The following SLC24A2 variants were observed in gnomAD, a reference collection of about 807,000 sequenced individuals.
SLC24A2 encodes the protein sodium/potassium/calcium exchanger 2.
SLC24A2 carries 36 observed loss-of-function variants against 62.0 expected under a neutral mutation model. That is an observed-to-expected ratio of 0.58 (90% CI 0.44 to 0.77). The LOEUF (loss-of-function observed/expected upper bound fraction) is 0.77, where lower values mean the gene tolerates loss of function less well. SLC24A2 is among the 30% of genes least tolerant of loss of function. The probability of loss-of-function intolerance (pLI) is 0.00; values close to 1 mark genes in which losing one functional copy is unlikely to be tolerated. For missense variants in SLC24A2, 846 were observed against 817.9 expected (o/e 1.03, Z -0.42); for synonymous variants, 358 against 294.0 (o/e 1.22, Z -2.23).
At chr9:19,561,790 TC>T (rs1217919560) in intron 7 of SLC24A2, among the ~76,000 whole-genome samples, 1 of 64,152 alleles carries the variant, frequency 1.6e-5, no homozygotes, top group Non-Finnish European at 4.1e-5. Context: ...AATAGTATAC[TC>T]CCTTTATAAT....
At chr9:19,843,713 G>A in the SLC24A2 span, among the ~76,000 whole-genome samples, 2 of 151,906 alleles carry the variant, frequency 1.3e-5, no homozygotes, top group African/African-American at 4.8e-5. Context: ...AGTATTTATT[G>A]TTGCCATCTT....
chr9:19,731,452 C>G (rs1227121990), intron 2 of SLC24A2, among the ~76,000 whole-genome samples: 4 of 151,704 alleles, frequency 2.6e-5, no homozygotes, highest in Non-Finnish European at 5.9e-5. Flanking sequence ...GGGCTTTGAT[C>G]TAATATTTGT....
chr9:19,682,650 C>T (rs1030190037), intron 2 of SLC24A2, among the ~76,000 whole-genome samples: 1 of 152,034 alleles, frequency 6.6e-6, no homozygotes, highest in Admixed American at 6.6e-5. Flanking sequence ...AGAAACACAG[C>T]GTTAAGTAGA....
intron 2 of SLC24A2, among the ~76,000 whole-genome samples, chr9:19,744,823 T>C (rs1821785138): frequency 6.6e-6 from 1 of 152,142 alleles, no homozygotes; most frequent in Non-Finnish European, 1.5e-5. Flanking sequence ...ACTTCACTCA[T>C]AAACTTCCCA....
At chr9:19,601,520 G>A (rs893342467) in intron 4 of SLC24A2, among the ~76,000 whole-genome samples, 3 of 152,146 alleles carry the variant, frequency 2.0e-5, no homozygotes, top group African/African-American at 7.2e-5. Flanking sequence ...AAGGTCCACG[G>A]CTCCATTCTG....
At chr9:20,033,470 C>G in the SLC24A2 span, among the ~76,000 whole-genome samples, 10 of 140,754 alleles carry the variant, frequency 7.1e-5, no homozygotes, top group African/African-American at 2.5e-4. Flanking sequence ...ATGTTTGTGA[C>G]TCCCTTTTAC....
intron 2 of SLC24A2, among the ~76,000 whole-genome samples, chr9:19,741,227 G>C (rs907974054): frequency 1.3e-5 from 2 of 152,174 alleles, no homozygotes; most frequent in African/African-American, 4.8e-5. Flanking sequence ...TGACACTTGA[G>C]AGGATATTTT....
At chr9:20,258,883 T>A in the SLC24A2 span, among the ~76,000 whole-genome samples, 1 of 151,480 alleles carries the variant, frequency 6.6e-6, no homozygotes, top group South Asian at 2.1e-4. Flanking sequence ...CATCCATCCA[T>A]CCATCCATCC....
At chr9:19,717,852 G>A (rs1395416660) in intron 2 of SLC24A2, among the ~76,000 whole-genome samples, 1 of 152,008 alleles carries the variant, frequency 6.6e-6, no homozygotes, top group Middle Eastern at 3.4e-3. Flanking sequence ...TAGTTCTTCA[G>A]TGACCCCACT....
chr9:19,885,124 G>T, the SLC24A2 span, among the ~76,000 whole-genome samples: 5 of 152,064 alleles, frequency 3.3e-5, no homozygotes, highest in Non-Finnish European at 7.4e-5. Context: ...CAACAGTGTC[G>T]CTGGGGACAT....
the SLC24A2 span, among the ~76,000 whole-genome samples, chr9:19,822,021 G>A: frequency 2.0e-5 from 3 of 152,086 alleles, no homozygotes; most frequent in African/African-American, 7.2e-5. Context: ...ATGGTATGAG[G>A]CATCATCTAT....
At chr9:19,633,246 A>C (rs184899968) in intron 2 of SLC24A2, among the ~76,000 whole-genome samples, 1 of 152,364 alleles carries the variant, frequency 6.6e-6, no homozygotes, top group Admixed American at 6.5e-5. Flanking sequence ...TATTGTCACG[A>C]AAGCTGCTAT....
At chr9:20,232,166 T>A in the SLC24A2 span, among the ~76,000 whole-genome samples, 2 of 152,360 alleles carry the variant, frequency 1.3e-5, no homozygotes, top group African/African-American at 2.4e-5. Flanking sequence ...TTTGCATCAA[T>A]GTTCATCAAG....
the SLC24A2 span, among the ~76,000 whole-genome samples, chr9:19,866,982 A>G: frequency 6.6e-6 from 1 of 152,134 alleles, no homozygotes; most frequent in South Asian, 2.1e-4. Context: ...TAAATGAATA[A>G]GTCCTAGTAT....
chr9:19,874,081 T>TTTC, the SLC24A2 span, among the ~76,000 whole-genome samples: 186 of 130,290 alleles, frequency 1.4e-3, no homozygotes, highest in African/African-American at 5.5e-3. Context: ...TTTTCTTTTT[T>TTTC]TTTTTTTTTT....
chr9:20,019,153 GAA>G, the SLC24A2 span, among the ~76,000 whole-genome samples: 531 of 130,864 alleles, frequency 4.1e-3, 32 homozygotes, highest in African/African-American at 9.7e-3. Flanking sequence ...AAGAAAGAAA[GAA>G]AGAGAGAGAG....
At chr9:20,041,152 G>A in the SLC24A2 span, among the ~76,000 whole-genome samples, 3 of 151,808 alleles carry the variant, frequency 2.0e-5, no homozygotes, top group Non-Finnish European at 4.4e-5. Context: ...GTGTGTGTAC[G>A]CGTGCGCGCG....
chr9:20,225,145 C>CT, the SLC24A2 span, among the ~76,000 whole-genome samples: 14 of 152,090 alleles, frequency 9.2e-5, no homozygotes, highest in African/African-American at 3.4e-4. Context: ...GCTAGGGAAC[C>CT]TGACCTAAGA....
the SLC24A2 span, among the ~76,000 whole-genome samples, chr9:19,892,828 G>T: frequency 6.6e-6 from 1 of 152,124 alleles, no homozygotes; most frequent in Non-Finnish European, 1.5e-5. Context: ...CACATCAGGG[G>T]TTAGAACCCA....
Sources: allele counts gnomAD v4.1 joint callset (sites outside exome capture counted in the v4.1 genomes callset), GRCh38; gene constraint gnomAD v4.1.1; transcripts MANE v1.5; gene names NCBI Gene and HGNC (gene_info 2026-07-23, HGNC 2026-07-21).